Variants in XIRP2 observed in about 807,000 individuals in gnomAD.
XIRP2 encodes the protein xin actin-binding repeat-containing protein 2.
Under a neutral mutation model 277.0 loss-of-function variants are expected in XIRP2, and 236 were observed. That is an observed-to-expected ratio of 0.85 (90% CI 0.77 to 0.95). The LOEUF is 0.95. XIRP2 is among the 40% of genes least tolerant of loss of function. XIRP2 has a pLI of 0.00. For missense variants in XIRP2, 4,640 were observed against 4,157.5 expected (o/e 1.12, Z -3.19); for synonymous variants, 1,490 against 1,416.5 (o/e 1.05, Z -1.17).
intron 3 of XIRP2, among the ~76,000 whole-genome samples, chr2:167,166,443 TA>T (rs1692522288): frequency 1.3e-5 from 2 of 152,330 alleles, no homozygotes; most frequent in African/African-American, 4.8e-5. Flanking sequence ...TATTTTTGCA[TA>T]AAGTAGTCTA....
At chr2:166,978,864 C>A (rs1377797230) in intron 2 of XIRP2, among the ~76,000 whole-genome samples, 2 of 152,056 alleles carry the variant, frequency 1.3e-5, no homozygotes, top group Admixed American at 1.3e-4. Flanking sequence ...CCTGTAGTCC[C>A]AGCTACTCAG....
At position 167,244,115 on chromosome 2, in the gene XIRP2, A is replaced by T. The variant is rs371122958; in HGVS notation, c.2723A>T (p.Asp908Val). Residue 908 changes from aspartate to valine, a missense_variant, in exon 9 of 11, where the codon GAT (aspartate) becomes GTT (valine). Coordinates refer to ENST00000409195, the MANE Select transcript of XIRP2 (RefSeq NM_152381.6). ...ACTGCCTCTGAAGAAGAAAAAGGGGATGTTAGGCATCAAAAATGGATTTTT... is the reference window on the plus strand; with the variant it reads ...ACTGCCTCTGAAGAAGAAAAAGGGGTTGTTAGGCATCAAAAATGGATTTTT... ...KITASEEEKG[D>V]VRHQKWIFET... 13 of 1,613,870 alleles carry T rather than the reference A, an allele frequency of 8.1e-6. No individual in the cohort carries two copies. In the African/African-American group the frequency reaches 1.6e-4, roughly 20 times the overall value.
intron 2 of XIRP2, among the ~76,000 whole-genome samples, chr2:167,072,096 TATATA>T (rs1413282275): frequency 6.6e-6 from 1 of 152,176 alleles, no homozygotes; most frequent in Non-Finnish European, 1.5e-5. Context: ...TATTTTAAAA[TATATA>T]ATATAAGCAT....
In XIRP2 at chr2:167,250,059, A is replaced by T; in HGVS notation, c.8667A>T (p.Pro2889=). ...SKAEHKKLPQ[P]YNSLQEEKCL... is the part of the protein sequence containing the mutation. ...CTGAACATAAAAAATTGCCCCAGCCATATAATAGTCTGCAGGAAGAAAAAT... is the reference window on the plus strand; with the variant it reads ...CTGAACATAAAAAATTGCCCCAGCCTTATAATAGTCTGCAGGAAGAAAAAT... The change falls in exon 9 of 11, where the codon CCA becomes CCT. Residue 2889 remains proline (P), a synonymous_variant. Transcript: ENST00000409195. 1 of 1,613,654 alleles carries T rather than the reference A, an allele frequency of 6.2e-7. No homozygotes were observed.
At chr2:167,015,176 A>G (rs1299618536) in intron 2 of XIRP2, among the ~76,000 whole-genome samples, 2 of 151,912 alleles carry the variant, frequency 1.3e-5, no homozygotes, top group African/African-American at 2.4e-5. Context: ...TTAAATTTGA[A>G]TATTTTTTCT....
intron 2 of XIRP2, among the ~76,000 whole-genome samples, chr2:167,035,352 T>G (rs1169743322): frequency 3.3e-5 from 5 of 152,164 alleles, no homozygotes; most frequent in Admixed American, 3.3e-4. Flanking sequence ...AAAATGCTGA[T>G]AGCAATATGG....
At chr2:166,922,841 A>C (rs1243447795) in intron 2 of XIRP2, among the ~76,000 whole-genome samples, 2 of 150,394 alleles carry the variant, frequency 1.3e-5, no homozygotes, top group African/African-American at 2.4e-5. Flanking sequence ...TTTTTAAAGA[A>C]AGGTAACCAG....
chr2:167,130,094 C>A (rs1256226500), intron 2 of XIRP2, among the ~76,000 whole-genome samples: 11 of 151,864 alleles, frequency 7.2e-5, no homozygotes, highest in African/African-American at 1.2e-4. Flanking sequence ...CTACCCTCCA[C>A]CTCTTCTCCA....
At chr2:167,011,403 T>C (rs889463757) in intron 2 of XIRP2, among the ~76,000 whole-genome samples, 1 of 150,986 alleles carries the variant, frequency 6.6e-6, no homozygotes, top group African/African-American at 2.4e-5. Context: ...GAACCAGCCT[T>C]GCATCCCAGG....
In XIRP2 at chr2:167,251,838, G is replaced by C. The variant is rs754083248; in HGVS notation, c.10446G>C (p.Lys3482Asn). Residue 3482 changes from lysine (K) to asparagine (N), a missense_variant, in exon 9 of 11, where the codon AAG (lysine) becomes AAC (asparagine). Coordinates refer to ENST00000409195, the MANE Select transcript of XIRP2 (RefSeq NM_152381.6). ...AAGAAGTAAGAAAAAATTTTCAAAA[G>C]ACGTGGCAAGAGAGTGGAAGAGTTT... The part of the protein sequence containing the change: ...SPKEVRKNFQ[K>N]TWQESGRVFK... The C allele has an allele frequency of 6.2e-7, 1 of 1,613,108 alleles. No individual in the cohort carries two copies. The highest frequency in any genetic ancestry group is 1.7e-5 in the Admixed American group (1 of 59,904).
At chr2:167,227,845 T>A (rs181799959) in intron 5 of XIRP2, among the ~76,000 whole-genome samples, 84 of 151,040 alleles carry the variant, frequency 5.6e-4, no homozygotes, top group African/African-American at 2.0e-3. Context: ...GATACACCAA[T>A]AATTAATTAA....
chr2:166,976,318 T>A (rs949062994), intron 2 of XIRP2, among the ~76,000 whole-genome samples: 1 of 152,234 alleles, frequency 6.6e-6, no homozygotes, highest in East Asian at 1.9e-4. Flanking sequence ...TCTCTAGCTG[T>A]GGCATTTCTT....
At chr2:166,987,628 T>C (rs1028898115) in intron 2 of XIRP2, among the ~76,000 whole-genome samples, 1 of 152,204 alleles carries the variant, frequency 6.6e-6, no homozygotes, top group African/African-American at 2.4e-5. Context: ...AATTGGCATT[T>C]GAGTAGCATC....
At chr2:166,940,842 GTC>G (rs1685688843) in intron 2 of XIRP2, among the ~76,000 whole-genome samples, 1 of 152,210 alleles carries the variant, frequency 6.6e-6, no homozygotes, top group Non-Finnish European at 1.5e-5. Context: ...CATGTGGGGT[GTC>G]AGTCTGCCCC....
Position 167,034,435 on chromosome 2 carries a change from T to C in XIRP2, c.409-101474T>C, listed in dbSNP as rs574911174. Among the ~76,000 whole-genome samples, 9 of 151,776 alleles carry C rather than the reference T, an allele frequency of 5.9e-5. No homozygotes were observed. In the East Asian group the frequency reaches 1.6e-3, roughly 26 times the overall value. ...ATGGCAGTAGTAAGTCCTTACTTAT[T>C]AATAATTACATGAATATAGATGGAC... On this transcript the variant is annotated intron_variant, in intron 2 of 10. Coordinates refer to ENST00000409195, the MANE Select transcript of XIRP2 (RefSeq NM_152381.6).
rs553476394 is a variant in XIRP2 at position 166,982,447 on chromosome 2, T to C, written c.408+78557T>C. ...TTCAAATATTATTTTCTGTCCCTTT[T>C]TTTCAACTTCTAGAAGACATATGTA... On this transcript the variant is annotated intron_variant, in intron 2 of 10. Transcript: ENST00000409195. 2.0e-5 allele frequency among the ~76,000 whole-genome samples: 3 copies of C among 152,124 alleles called. No individual in the cohort carries two copies. The East Asian group carries it at 5.8e-4, about 29-fold the overall frequency.
chr2:167,181,754 A>T (rs1052190174), intron 3 of XIRP2, among the ~76,000 whole-genome samples: 1 of 152,102 alleles, frequency 6.6e-6, no homozygotes, highest in East Asian at 1.9e-4. Context: ...TTAAACACTG[A>T]CGTAACTAGT....
chr2:167,033,080 G>T (rs1420007018), intron 2 of XIRP2, among the ~76,000 whole-genome samples: 1 of 152,130 alleles, frequency 6.6e-6, no homozygotes, highest in Non-Finnish European at 1.5e-5. Context: ...TAAAGAAATT[G>T]TGACACATAT....
At position 167,244,395 on chromosome 2, in the gene XIRP2, A is replaced by G. The variant is rs61733879; in HGVS notation, c.3003A>G (p.Val1001=). The G allele has an allele frequency of 6.3e-3, 10,154 of 1,613,666 alleles. 200 individuals carry two copies. The highest frequency in any genetic ancestry group is 0.047 in the African/African-American group (3,515 of 75,018). Reference sequence around the variant, plus strand: ...ATCCCCTTGGAAAATATCATCAAGTAAAGACAGTCCAGCAAGAAGAAATCG... The same window carrying G: ...ATCCCCTTGGAAAATATCATCAAGTGAAGACAGTCCAGCAAGAAGAAATCG... ...IQDPLGKYHQ[V]KTVQQEEIVR... is the part of the protein sequence containing the mutation. The change falls in exon 9 of 11, where the codon GTA becomes GTG. Residue 1001 remains valine, a synonymous_variant. Transcript: ENST00000409195.
Sources: gnomAD v4.1 joint callset for allele counts (sites outside exome capture counted in the v4.1 genomes callset) on GRCh38, gnomAD v4.1.1 for gene constraint, MANE v1.5 for transcripts, NCBI Gene and HGNC (gene_info 2026-07-23, HGNC 2026-07-21) for gene names.